Variants in DPYD observed in about 807,000 individuals in gnomAD.
DPYD encodes the protein dihydropyrimidine dehydrogenase [NADP(+)].
A neutral mutation model predicts 116.2 loss-of-function variants in DPYD; 109 were observed. The observed-to-expected ratio is 0.94, with a 90% CI of 0.80 to 1.10. DPYD has a LOEUF of 1.10. Among genes scored for constraint, DPYD ranks in the 50% least tolerant of loss-of-function variants. The pLI is 0.00. For missense variants in DPYD, 1,302 were observed against 1,254.5 expected (o/e 1.04, Z -0.57); for synonymous variants, 440 against 432.0 (o/e 1.02, Z -0.23).
At chr1:97,824,084 A>G (rs1669108554) in intron 3 of DPYD, among the ~76,000 whole-genome samples, 1 of 152,138 alleles carries the variant, frequency 6.6e-6, no homozygotes, top group Non-Finnish European at 1.5e-5. Context: ...AAGAATTTCC[A>G]TCTTCATTTT....
intron 20 of DPYD, among the ~76,000 whole-genome samples, chr1:97,168,598 C>A (rs555951263): frequency 2.6e-5 from 4 of 152,130 alleles, no homozygotes; most frequent in Middle Eastern, 3.2e-3. Context: ...TTTTCATTCT[C>A]CCTATCCCTA....
rs565587856 is a variant in DPYD at position 97,739,028 on chromosome 1, C to T, written c.321+1364G>A. On this transcript the variant is annotated intron_variant, in intron 4 of 22. Transcript: ENST00000370192. Reference sequence around the variant, plus strand: ...GTAGCATGGATCTTGTAAGATAGTCCGTCATAATTCTCATATTTCCTCATG... The same window carrying T: ...GTAGCATGGATCTTGTAAGATAGTCTGTCATAATTCTCATATTTCCTCATG... Among the ~76,000 whole-genome samples, 125 of 151,780 alleles carry T rather than the reference C, an allele frequency of 8.2e-4. 1 individual carries two copies. Among genetic ancestry groups the T allele is most frequent in the South Asian group, 4.6e-3 (22 of 4,800 alleles).
At chr1:97,817,635 C>G (rs949126586) in intron 3 of DPYD, among the ~76,000 whole-genome samples, 1 of 151,966 alleles carries the variant, frequency 6.6e-6, no homozygotes, top group Admixed American at 6.6e-5. Flanking sequence ...TTCTATTAGT[C>G]TTCTTTAGTT....
intron 8 of DPYD, among the ~76,000 whole-genome samples, chr1:97,609,049 A>G (rs1255632693): frequency 6.6e-6 from 1 of 152,046 alleles, no homozygotes; most frequent in African/African-American, 2.4e-5. Flanking sequence ...AAGTCAATGT[A>G]AAATAATGAA....
At chr1:97,247,850 A>G (rs922996964) in intron 18 of DPYD, among the ~76,000 whole-genome samples, 2 of 152,214 alleles carry the variant, frequency 1.3e-5, no homozygotes, top group Admixed American at 6.5e-5. Context: ...TAACTATTGC[A>G]CAAGTTGAAT....
intron 14 of DPYD, among the ~76,000 whole-genome samples, chr1:97,447,253 T>C (rs1225079013): frequency 6.6e-6 from 1 of 152,330 alleles, no homozygotes; most frequent in Non-Finnish European, 1.5e-5. Context: ...GTCCCTGTCA[T>C]TAAAGGTGGC....
intron 8 of DPYD, among the ~76,000 whole-genome samples, chr1:97,620,192 C>T (rs772909717): frequency 6.6e-6 from 1 of 152,028 alleles, no homozygotes; most frequent in East Asian, 1.9e-4. Context: ...ATTTTGAAGG[C>T]ATTTACATTT....
intron 3 of DPYD, among the ~76,000 whole-genome samples, chr1:97,783,975 C>A (rs1051125463): frequency 6.6e-6 from 1 of 152,142 alleles, no homozygotes; most frequent in Non-Finnish European, 1.5e-5. Flanking sequence ...AGGCAGTACA[C>A]ATATCTTGGC....
intron 8 of DPYD, among the ~76,000 whole-genome samples, chr1:97,622,087 C>T (rs911077384): frequency 3.3e-5 from 5 of 152,064 alleles, no homozygotes; most frequent in African/African-American, 7.2e-5. Flanking sequence ...ATACTCTATT[C>T]TCAAGGAAGT....
chr1:97,532,883 C>T (rs1300836279), intron 12 of DPYD, among the ~76,000 whole-genome samples: 1 of 146,662 alleles, frequency 6.8e-6, no homozygotes, highest in Admixed American at 6.8e-5. Flanking sequence ...TTATTATTTC[C>T]ATCCTTCTGC....
rs185572088 is a variant in DPYD, at chr1:97,895,011, T to A, written c.40-11637A>T. On this transcript the variant is annotated intron_variant, in intron 1 of 22. Coordinates refer to ENST00000370192, the MANE Select transcript of DPYD (RefSeq NM_000110.4). ...AAGACAGAATTATGTGAAAAGAAAG[T>A]TGATAGGGATTATTACGTTACCAAA... Among the ~76,000 whole-genome samples the A allele has an allele frequency of 1.2e-3, 184 of 151,834 alleles. No homozygotes were observed. In the Middle Eastern group the frequency reaches 0.024, roughly 20 times the overall value.
At position 97,515,899 on chromosome 1, in the gene DPYD, G is replaced by T. The variant is rs1648189716; in HGVS notation, c.1567C>A (p.Leu523Ile). ...ACCAGATCAATAGGAGTGTAAAAGAGGGGTAGTTCAGGCTTGGCAGAAACG... is the reference window on the plus strand; with the variant it reads ...ACCAGATCAATAGGAGTGTAAAAGATGGGTAGTTCAGGCTTGGCAGAAACG... Reference protein sequence around the residue: ...ASVSAKPELPLFYTPIDLVDI... With the variant: ...ASVSAKPELPIFYTPIDLVDI... Residue 523 changes from leucine to isoleucine, a missense_variant, in exon 13 of 23, where the codon CTC (leucine) becomes ATC (isoleucine). Transcript: ENST00000370192. The T allele has an allele frequency of 6.2e-7, 1 of 1,612,834 alleles. No individual in the cohort carries two copies. The highest frequency in any genetic ancestry group is 1.3e-5 in the African/African-American group (1 of 74,962).
chr1:97,667,996 A>G (rs1659655205), intron 8 of DPYD, among the ~76,000 whole-genome samples: 1 of 152,150 alleles, frequency 6.6e-6, no homozygotes, highest in Admixed American at 6.6e-5. Context: ...CATACTAGGT[A>G]CATAGAATAG....
At chr1:97,621,834 C>T (rs1167884548) in intron 8 of DPYD, among the ~76,000 whole-genome samples, 1 of 151,780 alleles carries the variant, frequency 6.6e-6, no homozygotes, top group Non-Finnish European at 1.5e-5. Context: ...AATGCATGCA[C>T]ATACACACAT....
intron 3 of DPYD, among the ~76,000 whole-genome samples, chr1:97,800,021 C>G (rs1257212111): frequency 6.6e-6 from 1 of 151,850 alleles, no homozygotes; most frequent in Admixed American, 6.6e-5. Context: ...AGCGAAGGCA[C>G]AAGAACTAGA....
At chr1:97,681,409 T>G (rs745924298) in intron 7 of DPYD, among the ~76,000 whole-genome samples, 34 of 152,066 alleles carry the variant, frequency 2.2e-4, no homozygotes, top group Non-Finnish European at 3.5e-4. Context: ...TGGAACTGGA[T>G]CATAGAGGGC....
chr1:97,626,566 C>G (rs1656943101), intron 8 of DPYD, among the ~76,000 whole-genome samples: 2 of 152,020 alleles, frequency 1.3e-5, no homozygotes, highest in Non-Finnish European at 2.9e-5. Context: ...TTTCTACTCC[C>G]ATCTATAGTT....
intron 8 of DPYD, among the ~76,000 whole-genome samples, chr1:97,658,091 A>G (rs1659043563): frequency 6.6e-6 from 1 of 152,190 alleles, no homozygotes. Flanking sequence ...AGTTTGCAGC[A>G]AATAAGCCAA....
intron 8 of DPYD, among the ~76,000 whole-genome samples, chr1:97,644,728 G>A (rs894565868): frequency 1.3e-5 from 2 of 151,820 alleles, no homozygotes; most frequent in Non-Finnish European, 2.9e-5. Flanking sequence ...AAAGTGCTGG[G>A]ATTACAGGCA....
Sources: gnomAD v4.1 joint callset for allele counts (sites outside exome capture counted in the v4.1 genomes callset) on GRCh38, gnomAD v4.1.1 for gene constraint, MANE v1.5 for transcripts, NCBI Gene and HGNC (gene_info 2026-07-23, HGNC 2026-07-21) for gene names.